Variants in LRIG2 observed in about 807,000 individuals in gnomAD.
The protein encoded by LRIG2 is leucine rich repeats and immunoglobulin like domains 2, also known as leucine-rich repeats and immunoglobulin-like domains protein 2.
A neutral mutation model predicts 107.8 loss-of-function variants in LRIG2; 93 were observed. The ratio of observed to expected loss-of-function variants is 0.86; its 90% CI spans 0.73 to 1.03. LRIG2 has a LOEUF of 1.03. LRIG2 is among the 50% of genes least tolerant of loss of function. The probability of loss-of-function intolerance (pLI) is 0.00; values close to 1 mark genes in which losing one functional copy is unlikely to be tolerated. For missense variants in LRIG2, 1,226 were observed against 1,296.0 expected, an observed-to-expected ratio of 0.95 and a Z score of 0.83; for synonymous variants, 471 against 470.6, an observed-to-expected ratio of 1.00 and a Z score of -0.01.
In LRIG2 at chr1:113,098,691, T is replaced by A; in HGVS notation, c.1092-14T>A. On this transcript the variant is annotated splice_polypyrimidine_tract_variant and intron_variant, in intron 8 of 17. Coordinates refer to ENST00000361127, the MANE Select transcript of LRIG2 (RefSeq NM_014813.3). ...TTGACTAATAGCACCTGTCTTTCTC[T>A]GACATTTTTGTAGAGACTTAAGAAA... 6 of 1,578,026 alleles carry A rather than the reference T, an allele frequency of 3.8e-6. No homozygotes were observed. The highest frequency in any genetic ancestry group is 5.2e-6 in the Non-Finnish European group (6 of 1,147,294).
chr1:113,105,890 C>A (rs1381918088), intron 11 of LRIG2, among the ~76,000 whole-genome samples: 1 of 152,182 alleles, frequency 6.6e-6, no homozygotes, highest in Non-Finnish European at 1.5e-5. Context: ...AACAATATGT[C>A]AACTTTGAAC....
intron 12 of LRIG2, among the ~76,000 whole-genome samples, chr1:113,109,529 A>T (rs954657157): frequency 2.6e-5 from 4 of 152,116 alleles, no homozygotes; most frequent in African/African-American, 9.7e-5. Context: ...ATATACATAT[A>T]TTTTTTGAGA....
In LRIG2 at chr1:113,076,530, A is replaced by G. The variant is rs538325202; in HGVS notation, c.239+2885A>G. On this transcript the variant is annotated intron_variant, in intron 1 of 17. Transcript: ENST00000361127. ...CAGTTGTAGAAATGTAATTGGATGG[A>G]AGTCTTACATTGGTAGAACTCTTAG... Among the ~76,000 whole-genome samples the G allele has an allele frequency of 3.3e-5, 5 of 152,310 alleles. No individual in the cohort carries two copies. In the East Asian group the frequency reaches 7.7e-4, roughly 24 times the overall value.
rs560209150 is a variant in LRIG2 at position 113,123,531 on chromosome 1, G to A, written c.2972-344G>A. Among the ~76,000 whole-genome samples, 13 of 152,218 alleles carry A rather than the reference G, an allele frequency of 8.5e-5. No individual in the cohort carries two copies. In the South Asian group the frequency reaches 1.7e-3, roughly 19 times the overall value. The stretch of plus-strand genomic sequence containing the variant: ...GGAGGTTGCGGTGAGCCGAGATGAC[G>A]CCATTGCACTCCAGCCCGGGCAACA... On this transcript the variant is annotated intron_variant, in intron 17 of 17. Transcript: ENST00000361127.
intron 1 of LRIG2, among the ~76,000 whole-genome samples, chr1:113,090,471 TA>T (rs1570736903): frequency 6.6e-6 from 1 of 152,194 alleles, no homozygotes; most frequent in Non-Finnish European, 1.5e-5. Flanking sequence ...GATACATTTT[TA>T]TTCATCCTTT....
chr1:113,079,404 G>T, intron 1 of LRIG2, among the ~76,000 whole-genome samples: 1 of 150,912 alleles, frequency 6.6e-6, no homozygotes, highest in East Asian at 2.0e-4. Context: ...AGGTACAGAT[G>T]GCCGGGCACA....
chr1:113,103,610 T>C (rs1434305659), intron 11 of LRIG2: 1 of 153,992 alleles, frequency 6.5e-6, no homozygotes, highest in Non-Finnish European at 1.5e-5. Flanking sequence ...ATTTAACAGT[T>C]ACGGTGCTGT....
At chr1:113,081,561 G>C (rs1417448249) in intron 1 of LRIG2, among the ~76,000 whole-genome samples, 1 of 152,036 alleles carries the variant, frequency 6.6e-6, no homozygotes, top group African/African-American at 2.4e-5. Flanking sequence ...TTGACCTCGT[G>C]ATTGGCTGGA....
intron 1 of LRIG2, among the ~76,000 whole-genome samples, chr1:113,087,021 G>C (rs901892173): frequency 6.6e-6 from 1 of 152,174 alleles, no homozygotes; most frequent in Admixed American, 6.5e-5. Flanking sequence ...GCATTTGCCT[G>C]TGGTCCCAGC....
In LRIG2 at chr1:113,096,006, A is replaced by G. The variant is rs768309977; in HGVS notation, c.936A>G (p.Arg312=). 1.2e-6 allele frequency: 2 copies of G among 1,614,186 alleles called. No individual in the cohort carries two copies. Among genetic ancestry groups the G allele is most frequent in the Admixed American group, 3.3e-5 (2 of 60,010 alleles). Reference sequence around the variant, plus strand: ...CTGATGCATGGGAGTTCTGCCAAAGACTATCCGAACTGTAAGTGTTGGATA... The same window carrying G: ...CTGATGCATGGGAGTTCTGCCAAAGGCTATCCGAACTGTAAGTGTTGGATA... ...ISPDAWEFCQ[R]LSELDLSYNQ... is the part of the protein sequence containing the mutation. Residue 312 remains arginine (R), a synonymous_variant, in exon 7 of 18, where the codon AGA becomes AGG. Coordinates refer to ENST00000361127, the MANE Select transcript of LRIG2 (RefSeq NM_014813.3).
chr1:113,096,662 A>G (rs749753711), intron 8 of LRIG2, among the ~76,000 whole-genome samples: 6 of 152,216 alleles, frequency 3.9e-5, no homozygotes, highest in Non-Finnish European at 5.9e-5. Context: ...TCAGGAGAGC[A>G]GTCATTTTCT....
intron 16 of LRIG2, 27 bp downstream of exon 16, chr1:113,116,463 A>T: frequency 6.4e-7 from 1 of 1,567,368 alleles, no homozygotes; most frequent in South Asian, 1.2e-5. Context: ...TTATGGTTAC[A>T]ATTTCAGCCT....
intron 1 of LRIG2, among the ~76,000 whole-genome samples, chr1:113,079,853 C>A (rs1204051039): frequency 1.3e-5 from 2 of 148,512 alleles, no homozygotes; most frequent in Non-Finnish European, 3.0e-5. Flanking sequence ...CTTCAGCCTC[C>A]CAAGTAGCTG....
Position 113,114,464 on chromosome 1 carries a change from AG to A in LRIG2, c.2119del (p.Val707Ter). On this transcript the variant is annotated frameshift_variant, in exon 15 of 18. Coordinates refer to ENST00000361127, the MANE Select transcript of LRIG2 (RefSeq NM_014813.3). LOFTEE classifies it high-confidence loss of function. ...TTATTAGACCCCTGGAGGATAAGAC[AG>A]TAACACGAGGTGAAACTGCGGTGTT... ...SFIRPLEDKTVTRGETAVLQC... is the reference protein window; with the variant it reads ...SFIRPLEDKTXTRGETAVLQC... 6.2e-7 allele frequency: 1 copy of A among 1,613,432 alleles called. No individual in the cohort carries two copies. The highest frequency in any genetic ancestry group is 8.5e-7 in the Non-Finnish European group (1 of 1,179,766).
intron 17 of LRIG2, among the ~76,000 whole-genome samples, chr1:113,123,420 C>T (rs1479522840): frequency 6.6e-6 from 1 of 151,738 alleles, no homozygotes; most frequent in Non-Finnish European, 1.5e-5. Context: ...ACTAAATATA[C>T]AAAATTAGCT....
At position 113,126,818 on chromosome 1, in the gene LRIG2, G is replaced by C. The variant is rs996292103; in HGVS notation, c.*2717G>C. The C allele has an allele frequency of 2.4e-5, 4 of 164,628 alleles. No homozygotes were observed. The highest frequency in any genetic ancestry group is 9.7e-5 in the African/African-American group (4 of 41,446). The allele number at this position is 164,628 out of a possible 1,614,324, so 10.2% of individuals were successfully genotyped here. ...TTCTGTACTTCACCTATAGTGCCTA[G>C]CAAATTGTTATCACTCATAAGCCTG... On this transcript the variant is annotated 3_prime_UTR_variant, in exon 18 of 18. Transcript: ENST00000361127.
chr1:113,090,963 T>C (rs1653794177), intron 1 of LRIG2, among the ~76,000 whole-genome samples: 2 of 151,712 alleles, frequency 1.3e-5, no homozygotes, highest in South Asian at 4.2e-4. Flanking sequence ...GTAATTCTCC[T>C]GCCTCAGCCT....
At chr1:113,075,445 T>C (rs1652932104) in intron 1 of LRIG2, among the ~76,000 whole-genome samples, 1 of 152,190 alleles carries the variant, frequency 6.6e-6, no homozygotes. Flanking sequence ...AACTGCAGTG[T>C]AGTAAGATGC....
rs1490306994 is a variant in LRIG2, at chr1:113,131,257, TTTC to T, written c.*7162_*7164del. 2.6e-5 allele frequency: 4 copies of T among 152,238 alleles called. No individual in the cohort carries two copies. Among genetic ancestry groups the T allele is most frequent in the Non-Finnish European group, 4.4e-5 (3 of 68,058 alleles). The allele number at this position is 152,238 out of a possible 1,614,324, so 9.4% of individuals were successfully genotyped here. A position where few individuals can be genotyped will look rare whatever the true frequency, so the allele number is the denominator to read the frequency against. Reference sequence around the variant, plus strand: ...GCCCTCTTGATAATTTTTATTCTTGTTTCTTCTTATCTGTGGGACTCCAATTAG... The same window carrying T: ...GCCCTCTTGATAATTTTTATTCTTGTTTCTTATCTGTGGGACTCCAATTAG... On this transcript the variant is annotated 3_prime_UTR_variant, in exon 18 of 18. Transcript: ENST00000361127.
Sources: allele counts gnomAD v4.1 joint callset (sites outside exome capture counted in the v4.1 genomes callset), GRCh38; gene constraint gnomAD v4.1.1; transcripts MANE v1.5; gene names NCBI Gene and HGNC (gene_info 2026-07-23, HGNC 2026-07-21).